LRRC4C: variants seen among roughly 807,000 people sequenced by gnomAD.
The protein encoded by LRRC4C is leucine-rich repeat-containing protein 4C.
LRRC4C carries 5 observed loss-of-function variants against 33.6 expected under a neutral mutation model. That is an observed-to-expected ratio of 0.15 (90% confidence interval 0.08 to 0.31). LRRC4C has a LOEUF of 0.31. LRRC4C is among the 10% of genes least tolerant of loss of function. LRRC4C has a pLI of 1.00. For missense variants in LRRC4C, 560 were observed against 796.7 expected, an observed-to-expected ratio of 0.70 and a Z score of 3.58; for synonymous variants, 329 against 302.0, an observed-to-expected ratio of 1.09 and a Z score of -0.93.
At chr11:40,678,352 G>A (rs892409259) in intron 2 of LRRC4C, among the ~76,000 whole-genome samples, 2 of 151,804 alleles carry the variant, frequency 1.3e-5, no homozygotes, top group African/African-American at 4.8e-5. Context: ...ATTTCCATGC[G>A]CACCAGATAT....
chr11:40,554,736 C>CTTT (rs34678892), intron 3 of LRRC4C, among the ~76,000 whole-genome samples: 39 of 88,344 alleles, frequency 4.4e-4, no homozygotes, highest in East Asian at 6.1e-4. Context: ...GGATTGCATT[C>CTTT]TTTTTTTTTT....
intron 5 of LRRC4C, among the ~76,000 whole-genome samples, chr11:40,232,284 G>T (rs1450491057): frequency 6.6e-6 from 1 of 152,140 alleles, no homozygotes; most frequent in Non-Finnish European, 1.5e-5. Context: ...GGGATTACAG[G>T]CATGAGCCAC....
chr11:40,299,508 G>T (rs955070328), intron 4 of LRRC4C, among the ~76,000 whole-genome samples: 16 of 152,186 alleles, frequency 1.1e-4, no homozygotes, highest in African/African-American at 3.6e-4. Flanking sequence ...TGTTCCATAT[G>T]TACAATGACA....
At chr11:40,848,405 A>C (rs1953304458) in intron 2 of LRRC4C, among the ~76,000 whole-genome samples, 1 of 152,022 alleles carries the variant, frequency 6.6e-6, no homozygotes, top group African/African-American at 2.4e-5. Flanking sequence ...TTCATTATTT[A>C]CCCAGTCGTT....
chr11:41,282,210 C>T lies in LRRC4C; in HGVS notation c.-496+177221G>A, dbSNP rs969767191. On this transcript the variant is annotated intron_variant, in intron 1 of 6. Transcript: ENST00000528697. ...AATTTTGTAAATTGTACTATCTAGC[C>T]GCTGGACTGAGATTTTAAGTGTGCT... 5.3e-5 allele frequency among the ~76,000 whole-genome samples: 8 copies of T among 152,264 alleles called. No individual in the cohort carries two copies. In the East Asian group the frequency reaches 5.8e-4, roughly 11 times the overall value.
chr11:41,025,257 C>G (rs1043514159), intron 1 of LRRC4C, among the ~76,000 whole-genome samples: 1 of 151,514 alleles, frequency 6.6e-6, no homozygotes, highest in Non-Finnish European at 1.5e-5. Context: ...ATGTTGAAAG[C>G]CAAGATAGAT....
At chr11:40,154,087 A>G (rs1858454302) in intron 5 of LRRC4C, among the ~76,000 whole-genome samples, 1 of 152,170 alleles carries the variant, frequency 6.6e-6, no homozygotes, top group African/African-American at 2.4e-5. Flanking sequence ...CAGATTTCTC[A>G]GCATAAACCC....
chr11:41,449,768 GAAAA>G (rs35510106), intron 1 of LRRC4C, among the ~76,000 whole-genome samples: 1 of 108,534 alleles, frequency 9.2e-6, no homozygotes, highest in Admixed American at 9.9e-5. Context: ...CCTCTTGATG[GAAAA>G]AAAAAAAAAA....
At chr11:40,915,938 A>G (rs550559264) in intron 2 of LRRC4C, among the ~76,000 whole-genome samples, 23 of 152,336 alleles carry the variant, frequency 1.5e-4, no homozygotes, top group African/African-American at 5.3e-4. Flanking sequence ...CAACAGACAC[A>G]TGAAAAAATG....
intron 2 of LRRC4C, among the ~76,000 whole-genome samples, chr11:40,906,022 C>T (rs745939264): frequency 6.6e-6 from 1 of 152,068 alleles, no homozygotes; most frequent in African/African-American, 2.4e-5. Context: ...GTCTTATTTC[C>T]AGAAATTGCC....
rs571209787 is a variant in LRRC4C at position 40,797,239 on chromosome 11, T to C, written c.-407+136396A>G. Among the ~76,000 whole-genome samples, 15 of 152,076 alleles carry C rather than the reference T, an allele frequency of 9.9e-5. No individual in the cohort carries two copies. The East Asian group carries it at 2.5e-3, about 26-fold the overall frequency. ...CTAAGAAAGATACAGATATCTCTGA[T>C]TGGGATATAAAAATAGAAATGGAGA... On this transcript the variant is annotated intron_variant, in intron 2 of 6. Coordinates refer to ENST00000528697, the MANE Select transcript of LRRC4C (RefSeq NM_001258419.2).
At chr11:40,912,700 T>C (rs1956757556) in intron 2 of LRRC4C, among the ~76,000 whole-genome samples, 1 of 151,998 alleles carries the variant, frequency 6.6e-6, no homozygotes, top group Non-Finnish European at 1.5e-5. Context: ...ATAACAATAT[T>C]AACCTTAAAT....
At chr11:41,292,309 T>G (rs1302613329) in intron 1 of LRRC4C, among the ~76,000 whole-genome samples, 1 of 152,036 alleles carries the variant, frequency 6.6e-6, no homozygotes, top group East Asian at 1.9e-4. Flanking sequence ...AGTTATTTTC[T>G]CAATAAGGAC....
chr11:41,111,854 GA>G (rs1941850509), intron 1 of LRRC4C, among the ~76,000 whole-genome samples: 1 of 151,848 alleles, frequency 6.6e-6, no homozygotes, highest in Non-Finnish European at 1.5e-5. Flanking sequence ...TAACCTTATA[GA>G]AAAAAGTTCT....
At chr11:41,304,431 G>A (rs575133286) in intron 1 of LRRC4C, among the ~76,000 whole-genome samples, 2 of 81,702 alleles carry the variant, frequency 2.4e-5, no homozygotes, top group African/African-American at 9.5e-5. Flanking sequence ...CAGCCGCCCC[G>A]TCTGGGAGGT....
rs1424388373 is a variant in LRRC4C at position 41,279,369 on chromosome 11, TACACACACACAA to T, written c.-496+180050_-496+180061del. Among the ~76,000 whole-genome samples, 260 of 85,002 alleles carry T rather than the reference TACACACACACAA, an allele frequency of 3.1e-3. 3 individuals are homozygous for T. The highest frequency in any genetic ancestry group is 9.4e-3 in the African/African-American group (251 of 26,672). 55.8% of individuals were successfully genotyped at this position (85,002 alleles called of 152,430 possible). A position where few individuals can be genotyped will look rare whatever the true frequency, so the allele number is the denominator to read the frequency against. ...TCATCTCTCATTCCATCCCATCACA[TACACACACACAA>T]ACACACACACACACACACACACACA... is the stretch of plus-strand genomic sequence containing the variant. On this transcript the variant is annotated intron_variant, in intron 1 of 6. Coordinates refer to ENST00000528697, the MANE Select transcript of LRRC4C (RefSeq NM_001258419.2).
At chr11:40,762,070 A>G (rs1949243246) in intron 2 of LRRC4C, among the ~76,000 whole-genome samples, 1 of 152,100 alleles carries the variant, frequency 6.6e-6, no homozygotes, top group African/African-American at 2.4e-5. Flanking sequence ...ATAGAAGGAC[A>G]TTTTCCAAGG....
At chr11:41,451,148 T>C (rs897059516) in intron 1 of LRRC4C, among the ~76,000 whole-genome samples, 1 of 152,132 alleles carries the variant, frequency 6.6e-6, no homozygotes, top group African/African-American at 2.4e-5. Context: ...AGGTGTTTAA[T>C]AAACAAATTT....
intron 1 of LRRC4C, among the ~76,000 whole-genome samples, chr11:41,037,866 C>G (rs1305027288): frequency 6.6e-6 from 1 of 152,130 alleles, no homozygotes; most frequent in Non-Finnish European, 1.5e-5. Context: ...TTGGGTCAGT[C>G]TGTAAGTATG....
Sources: gnomAD v4.1 joint callset for allele counts (sites outside exome capture counted in the v4.1 genomes callset) on GRCh38, gnomAD v4.1.1 for gene constraint, MANE v1.5 for transcripts, NCBI Gene and HGNC (gene_info 2026-07-23, HGNC 2026-07-21) for gene names.